Variants in KHDRBS3 observed in about 807,000 individuals in gnomAD.
KHDRBS3 encodes the protein KH domain-containing, RNA-binding, signal transduction-associated protein 3.
A neutral mutation model predicts 45.6 loss-of-function variants in KHDRBS3; 23 were observed. That is an observed-to-expected ratio of 0.50 (90% CI 0.36 to 0.72). The LOEUF (loss-of-function observed/expected upper bound fraction) is 0.72. KHDRBS3 is among the 30% of genes least tolerant of loss of function. The probability of loss-of-function intolerance (pLI) is 0.00; values close to 1 mark genes in which losing one functional copy is unlikely to be tolerated. For missense variants in KHDRBS3, 352 were observed against 424.8 expected, an observed-to-expected ratio of 0.83 and a Z score of 1.51; for synonymous variants, 162 against 156.5, an observed-to-expected ratio of 1.04 and a Z score of -0.26.
At chr8:135,556,540 A>C (rs1826896214) in intron 4 of KHDRBS3, among the ~76,000 whole-genome samples, 1 of 152,142 alleles carries the variant, frequency 6.6e-6, no homozygotes, top group Non-Finnish European at 1.5e-5. Context: ...TCTTTTGAGA[A>C]GTGTCTGTTC....
chr8:135,468,383 A>G (rs1276234721), intron 1 of KHDRBS3, among the ~76,000 whole-genome samples: 2 of 152,166 alleles, frequency 1.3e-5, no homozygotes, highest in African/African-American at 4.8e-5. Context: ...GCTGGTAGTC[A>G]TTGCTTTCAG....
intron 7 of KHDRBS3, among the ~76,000 whole-genome samples, chr8:135,631,795 TACAC>T (rs1276256462): frequency 6.6e-6 from 1 of 152,184 alleles, no homozygotes; most frequent in Non-Finnish European, 1.5e-5. Context: ...ATATGGTAAA[TACAC>T]AACCACTGGC....
At chr8:135,513,199 CAA>C (rs923068828) in intron 1 of KHDRBS3, among the ~76,000 whole-genome samples, 1 of 138,968 alleles carries the variant, frequency 7.2e-6, no homozygotes, top group African/African-American at 2.7e-5. Context: ...GACTCCGTCT[CAA>C]AAAAAAAAAG....
At chr8:135,494,435 C>T (rs1244876964) in intron 1 of KHDRBS3, among the ~76,000 whole-genome samples, 2 of 151,910 alleles carry the variant, frequency 1.3e-5, no homozygotes, top group East Asian at 1.9e-4. Context: ...CCCGCCACCA[C>T]GCCCAGCTAC....
intron 1 of KHDRBS3, among the ~76,000 whole-genome samples, chr8:135,485,766 A>G (rs1253407582): frequency 2.0e-5 from 3 of 150,370 alleles, no homozygotes; most frequent in African/African-American, 7.4e-5. Flanking sequence ...CCTTCACCCA[A>G]GCATTTTCAC....
At position 135,499,763 on chromosome 8, in the gene KHDRBS3, G is replaced by A. The variant is rs193258574; in HGVS notation, c.89-21474G>A. On this transcript the variant is annotated intron_variant, in intron 1 of 8. Transcript: ENST00000355849. ...GAGTTTTTAACCCTGCCAGGAGGGA[G>A]GAGGTTGCTCTGAATTTTTTTTGAT... Among the ~76,000 whole-genome samples, 24 of 152,290 alleles carry A rather than the reference G, an allele frequency of 1.6e-4. No individual in the cohort carries two copies. In the East Asian group the frequency reaches 3.5e-3, roughly 22 times the overall value.
At chr8:135,526,252 T>G (rs1222935184) in intron 2 of KHDRBS3, among the ~76,000 whole-genome samples, 1 of 152,072 alleles carries the variant, frequency 6.6e-6, no homozygotes, top group Non-Finnish European at 1.5e-5. Context: ...GTGTACGAAA[T>G]AAAATCTCAA....
At position 135,582,024 on chromosome 8, in the gene KHDRBS3, G is replaced by T; in HGVS notation, c.758G>T (p.Gly253Val). 2 of 1,604,170 alleles carry T rather than the reference G, an allele frequency of 1.2e-6. No individual in the cohort carries two copies. The highest frequency in any genetic ancestry group is 1.7e-6 in the Non-Finnish European group (2 of 1,174,060). ...AGAGCAAGAGGAGTCCCCCCAACTG[G>T]GTACAGACCTCCACCGCCACCCCCG... ...TPRARGVPPT[G>V]YRPPPPPPTQ... The change falls in exon 6 of 9, where the codon GGG (glycine) becomes GTG (valine). Residue 253 changes from glycine (G) to valine (V), a missense_variant. By Grantham distance (109) the Gly-to-Val change is moderately radical (BLOSUM62 -3). Around this residue, in one of 6 missense-constraint regions of KHDRBS3, gnomAD observed 212 missense variants for 209.6 expected, o/e 1.01. Coordinates refer to ENST00000355849, the MANE Select transcript of KHDRBS3 (RefSeq NM_006558.3).
At position 135,537,007 on chromosome 8, in the gene KHDRBS3, T is replaced by A. The variant is rs1305540590; in HGVS notation, c.208-5647T>A. ...AAAAAAAAAAAAAAAAGGAGATGTT[T>A]AGGAGGTAAAATCATTAACATATAA... is the stretch of plus-strand genomic sequence containing the variant. On this transcript the variant is annotated intron_variant, in intron 2 of 8. Coordinates refer to ENST00000355849, the MANE Select transcript of KHDRBS3 (RefSeq NM_006558.3). Among the ~76,000 whole-genome samples, 7 of 129,440 alleles carry A rather than the reference T, an allele frequency of 5.4e-5. 1 individual carries two copies. Among genetic ancestry groups the A allele is most frequent in the Non-Finnish European group, 9.7e-5 (6 of 61,982 alleles). 84.9% of individuals were successfully genotyped at this position (129,440 alleles called of 152,430 possible). A position where few individuals can be genotyped will look rare whatever the true frequency, so the allele number is the denominator to read the frequency against.
At chr8:135,617,742 G>A (rs1024374921) in intron 7 of KHDRBS3, among the ~76,000 whole-genome samples, 1 of 152,190 alleles carries the variant, frequency 6.6e-6, no homozygotes, top group African/African-American at 2.4e-5. Context: ...GTTATTATGA[G>A]TTTAAGTATT....
intron 5 of KHDRBS3, among the ~76,000 whole-genome samples, chr8:135,562,091 A>T (rs984528924): frequency 6.6e-6 from 1 of 152,198 alleles, no homozygotes; most frequent in East Asian, 1.9e-4. Flanking sequence ...CCAAGTTTAT[A>T]ATGTTTATAA....
At chr8:135,482,986 G>A (rs776596779) in intron 1 of KHDRBS3, among the ~76,000 whole-genome samples, 12 of 152,224 alleles carry the variant, frequency 7.9e-5, no homozygotes, top group Non-Finnish European at 1.3e-4. Flanking sequence ...AACGATGTAC[G>A]TAAAATAACA....
At chr8:135,586,365 A>G (rs1000927372) in intron 6 of KHDRBS3, among the ~76,000 whole-genome samples, 5 of 152,180 alleles carry the variant, frequency 3.3e-5, no homozygotes, top group African/African-American at 1.2e-4. Flanking sequence ...CGAGGTTATA[A>G]ATAAAATCTC....
At chr8:135,474,314 T>G (rs556278689) in intron 1 of KHDRBS3, among the ~76,000 whole-genome samples, 25 of 152,336 alleles carry the variant, frequency 1.6e-4, no homozygotes, top group Admixed American at 3.3e-4. Context: ...ATCCCAATAT[T>G]CACAAGAGAT....
intron 1 of KHDRBS3, among the ~76,000 whole-genome samples, chr8:135,468,350 T>C (rs1821804817): frequency 6.6e-6 from 1 of 152,218 alleles, no homozygotes; most frequent in African/African-American, 2.4e-5. Flanking sequence ...TGTGGAATGT[T>C]GTTTAGAAGC....
intron 1 of KHDRBS3, among the ~76,000 whole-genome samples, chr8:135,503,855 C>CT (rs1425736711): frequency 1.3e-5 from 2 of 152,014 alleles, no homozygotes; most frequent in Non-Finnish European, 2.9e-5. Flanking sequence ...ATACTTTAGT[C>CT]TTTTTTTGTG....
chr8:135,531,607 A>G (rs1186981233), intron 2 of KHDRBS3, among the ~76,000 whole-genome samples: 1 of 152,182 alleles, frequency 6.6e-6, no homozygotes, highest in Non-Finnish European at 1.5e-5. Flanking sequence ...ACTAAATAAT[A>G]TAGGATAAAG....
chr8:135,625,066 A>C (rs1377455345), intron 7 of KHDRBS3: 6 of 563,156 alleles, frequency 1.1e-5, no homozygotes, highest in Non-Finnish European at 1.8e-5. Context: ...AACAAGAGGC[A>C]CTTTTTGCTT....
intron 5 of KHDRBS3, among the ~76,000 whole-genome samples, chr8:135,567,703 C>T (rs919057596): frequency 9.9e-5 from 15 of 152,168 alleles, no homozygotes; most frequent in African/African-American, 3.6e-4. Context: ...TCCGTAACTG[C>T]TTCTATGTCA....
Sources: allele counts gnomAD v4.1 joint callset (sites outside exome capture counted in the v4.1 genomes callset), GRCh38; gene constraint gnomAD v4.1.1; regional missense constraint gnomAD v4.1.1; transcripts MANE v1.5; gene names NCBI Gene and HGNC (gene_info 2026-07-23, HGNC 2026-07-21).